The following CADPS variants were observed in gnomAD, a reference collection of about 807,000 sequenced individuals.
CADPS encodes the protein calcium dependent secretion activator.
CADPS carries 57 observed loss-of-function variants against 167.3 expected under a neutral mutation model. The ratio of observed to expected loss-of-function variants is 0.34; its 90% CI spans 0.28 to 0.42. The LOEUF is 0.42. CADPS is among the 20% of genes least tolerant of loss of function. The pLI, the probability that CADPS is intolerant of heterozygous loss-of-function variation, is 1.00. For synonymous variants in CADPS, 676 were observed against 635.3 expected, an observed-to-expected ratio of 1.06 and a Z score of -0.96; for missense variants, 1,414 against 1,738.1, an observed-to-expected ratio of 0.81 and a Z score of 3.32.
chr3:62,503,299 A>G (rs1284880793), intron 17 of CADPS, among the ~76,000 whole-genome samples: 1 of 152,222 alleles, frequency 6.6e-6, no homozygotes, highest in East Asian at 1.9e-4. Context: ...CTTTCTACGT[A>G]ACCTTGCATC....
intron 6 of CADPS, among the ~76,000 whole-genome samples, chr3:62,614,873 CCT>C: frequency 6.6e-6 from 1 of 152,144 alleles, no homozygotes. Context: ...CCCTTCTCAG[CCT>C]CTCTTTTCTT....
At position 62,819,407 on chromosome 3, in the gene CADPS, C is replaced by CGTGTGTGTGT. The variant is rs3047244; in HGVS notation, c.442-53433_442-53424dup. 1.7e-3 allele frequency among the ~76,000 whole-genome samples: 241 copies of CGTGTGTGTGT among 144,070 alleles called. 1 individual carries two copies. Among genetic ancestry groups the CGTGTGTGTGT allele is most frequent in the African/African-American group, 5.8e-3 (225 of 38,796 alleles). The allele number at this position is 144,070 out of a possible 152,430, so 94.5% of individuals were successfully genotyped here. A position where few individuals can be genotyped will look rare whatever the true frequency, so the allele number is the denominator to read the frequency against. On this transcript the variant is annotated intron_variant, in intron 1 of 29. Transcript: ENST00000383710. ...GTTTAAAGCAATGACAATCTGTGTG[C>CGTGTGTGTGT]GTGTGTGTGTGTGTGTGTGTGTGTG...
chr3:62,610,671 G>T (rs66497704), intron 6 of CADPS, among the ~76,000 whole-genome samples: 17,812 of 152,176 alleles, frequency 0.12, 1,379 homozygotes, highest in Non-Finnish European at 0.16. Flanking sequence ...TGATGGACTT[G>T]CTTGTAGAGG....
chr3:62,780,408 A>G (rs6778288), intron 1 of CADPS, among the ~76,000 whole-genome samples: 2,857 of 152,314 alleles, frequency 0.019, 38 homozygotes, highest in Non-Finnish European at 0.033. Context: ...ACAGAGACAC[A>G]TTTCAAAAAA....
intron 16 of CADPS, among the ~76,000 whole-genome samples, chr3:62,515,593 G>C (rs1298234517): frequency 6.6e-6 from 1 of 152,004 alleles, no homozygotes; most frequent in East Asian, 1.9e-4. Context: ...ACTACCAAAA[G>C]ACAAGGTACT....
At chr3:62,440,281 C>T (rs767946031) in intron 27 of CADPS, 4 of 151,132 alleles carry the variant, frequency 2.6e-5, no homozygotes, top group Admixed American at 6.6e-5. Context: ...CTGGATCTCC[C>T]ACAAATTGGA....
intron 16 of CADPS, chr3:62,513,669 G>A (rs2068359173): frequency 6.3e-7 from 1 of 1,593,972 alleles, no homozygotes; most frequent in Non-Finnish European, 8.6e-7. Context: ...GGGAGGCCAA[G>A]CAGAAGACAG....
At chr3:62,761,395 AT>A (rs2085372691) in intron 2 of CADPS, among the ~76,000 whole-genome samples, 1 of 152,070 alleles carries the variant, frequency 6.6e-6, no homozygotes, top group African/African-American at 2.4e-5. Context: ...AAACAAAAAA[AT>A]AACAACAACA....
intron 3 of CADPS, among the ~76,000 whole-genome samples, chr3:62,738,659 G>T (rs1284247522): frequency 6.6e-6 from 1 of 152,142 alleles, no homozygotes; most frequent in Non-Finnish European, 1.5e-5. Context: ...CTGGGAGGCG[G>T]AGGTTGCAGT....
intron 3 of CADPS, among the ~76,000 whole-genome samples, chr3:62,719,432 C>T (rs377574745): frequency 3.3e-5 from 5 of 152,298 alleles, no homozygotes; most frequent in South Asian, 4.1e-4. Context: ...TATCAGATTC[C>T]GTCACAGAGC....
intron 1 of CADPS, among the ~76,000 whole-genome samples, chr3:62,851,981 T>C (rs2078694921): frequency 6.6e-6 from 1 of 150,388 alleles, no homozygotes; most frequent in Non-Finnish European, 1.5e-5. Flanking sequence ...TTTCTTTTTA[T>C]TCTTTTTTCT....
intron 1 of CADPS, among the ~76,000 whole-genome samples, chr3:62,869,993 C>G (rs6802069): frequency 6.6e-6 from 1 of 152,034 alleles, no homozygotes; most frequent in African/African-American, 2.4e-5. Context: ...ATTTAATTTC[C>G]TTTGTTCTTC....
intron 3 of CADPS, among the ~76,000 whole-genome samples, chr3:62,734,052 G>A (rs1420337644): frequency 2.0e-5 from 3 of 152,092 alleles, no homozygotes; most frequent in African/African-American, 7.2e-5. Context: ...GGACATTTAG[G>A]TTGGTTCCAT....
chr3:62,612,987 G>A (rs747363269), intron 6 of CADPS, among the ~76,000 whole-genome samples: 3 of 152,186 alleles, frequency 2.0e-5, no homozygotes, highest in Non-Finnish European at 1.5e-5. Context: ...AAACAAGAAT[G>A]ACAGGAGTTG....
At chr3:62,588,301 T>TTC (rs1562532160) in intron 7 of CADPS, among the ~76,000 whole-genome samples, 1 of 151,482 alleles carries the variant, frequency 6.6e-6, no homozygotes, top group Non-Finnish European at 1.5e-5. Flanking sequence ...GTCTTTCTTT[T>TTC]TTTTTTTTTT....
At chr3:62,713,045 T>A (rs999194330) in intron 3 of CADPS, among the ~76,000 whole-genome samples, 2 of 152,246 alleles carry the variant, frequency 1.3e-5, no homozygotes, top group Non-Finnish European at 2.9e-5. Context: ...CCTTGCAGCA[T>A]GGCTGAATTG....
intron 1 of CADPS, among the ~76,000 whole-genome samples, chr3:62,816,400 C>T (rs1239137756): frequency 6.6e-6 from 1 of 151,996 alleles, no homozygotes; most frequent in Non-Finnish European, 1.5e-5. Context: ...ATTATTCTCC[C>T]CCACCCAGGA....
intron 1 of CADPS, among the ~76,000 whole-genome samples, chr3:62,858,351 TC>T (rs1293584366): frequency 2.6e-5 from 4 of 152,148 alleles, no homozygotes; most frequent in African/African-American, 9.7e-5. Flanking sequence ...CCTTCCATAG[TC>T]CATCAGGAGA....
chr3:62,677,316 A>C (rs1026183462), intron 3 of CADPS, among the ~76,000 whole-genome samples: 4 of 152,112 alleles, frequency 2.6e-5, no homozygotes, highest in African/African-American at 9.7e-5. Context: ...CAGCAAAAAA[A>C]CCAAAAAACC....
Sources: gnomAD v4.1 joint callset for allele counts (sites outside exome capture counted in the v4.1 genomes callset) on GRCh38, gnomAD v4.1.1 for gene constraint, MANE v1.5 for transcripts, NCBI Gene and HGNC (gene_info 2026-07-23, HGNC 2026-07-21) for gene names.